Variants in SEMA3A observed in about 807,000 individuals in gnomAD.
SEMA3A encodes semaphorin 3A, also known as semaphorin-3A.
In SEMA3A, 29 loss-of-function variants were observed where a neutral mutation model predicts 97.9. That is an observed-to-expected ratio of 0.30 (90% CI 0.22 to 0.40). SEMA3A has a LOEUF of 0.40. SEMA3A is among the 10% of genes least tolerant of loss of function. The pLI is 1.00. For missense variants in SEMA3A, 763 were observed against 951.3 expected (o/e 0.80, Z 2.60); for synonymous variants, 321 against 323.7 (o/e 0.99, Z 0.09).
At chr7:84,108,587 T>A (rs915614542) in intron 4 of SEMA3A, among the ~76,000 whole-genome samples, 1 of 152,106 alleles carries the variant, frequency 6.6e-6, no homozygotes. Flanking sequence ...CAAAGTCCAG[T>A]CCTTTCTGCT....
chr7:84,377,696 C>A (rs1375383062), intron 1 of SEMA3A, among the ~76,000 whole-genome samples: 2 of 152,122 alleles, frequency 1.3e-5, no homozygotes, highest in African/African-American at 4.8e-5. Flanking sequence ...GAATTTGAAT[C>A]TTTACAGTTT....
intron 14 of SEMA3A, among the ~76,000 whole-genome samples, chr7:83,980,191 A>G (rs950063202): frequency 6.6e-6 from 1 of 152,072 alleles, no homozygotes; most frequent in African/African-American, 2.4e-5. Context: ...GTAGTAAAGG[A>G]TATGTTTTTG....
At chr7:84,119,783 G>C (rs1562794255) in intron 3 of SEMA3A, among the ~76,000 whole-genome samples, 1 of 152,122 alleles carries the variant, frequency 6.6e-6, no homozygotes, top group Non-Finnish European at 1.5e-5. Context: ...GGATCAACTT[G>C]CTAAATATGA....
chr7:84,365,625 C>T (rs1470527689), intron 2 of SEMA3A, among the ~76,000 whole-genome samples: 1 of 151,484 alleles, frequency 6.6e-6, no homozygotes, highest in Non-Finnish European at 1.5e-5. Flanking sequence ...CTGGTAACCA[C>T]ATTTTTAATA....
At chr7:84,008,727 T>C (rs1209746945) in intron 9 of SEMA3A, among the ~76,000 whole-genome samples, 2 of 152,170 alleles carry the variant, frequency 1.3e-5, no homozygotes, top group African/African-American at 4.8e-5. Context: ...CAGCGATTCA[T>C]AGACTGCAAG....
At position 84,194,461 on chromosome 7, in the gene SEMA3A, A is replaced by C; in HGVS notation, c.112+14T>G. The C allele has an allele frequency of 6.4e-7, 1 of 1,556,120 alleles. No homozygotes were observed. ...ATTACAAAGCTAACCAAATAAAAGA[A>C]AAATAAGATTTACCTTTGTAGGATA... On this transcript the variant is annotated intron_variant, in intron 1 of 16. Transcript: ENST00000265362.
intron 10 of SEMA3A, among the ~76,000 whole-genome samples, chr7:84,007,011 A>AATGTATTT (rs1489911934): frequency 6.6e-6 from 1 of 152,130 alleles, no homozygotes; most frequent in Non-Finnish European, 1.5e-5. Context: ...GACACAATAA[A>AATGTATTT]ATGTATTTTC....
intron 3 of SEMA3A, among the ~76,000 whole-genome samples, chr7:84,301,013 G>C (rs1017054751): frequency 3.3e-5 from 5 of 152,070 alleles, no homozygotes; most frequent in Non-Finnish European, 7.4e-5. Context: ...AAGATATCCA[G>C]AGAAACATTA....
intron 4 of SEMA3A, among the ~76,000 whole-genome samples, chr7:84,086,250 A>T (rs964791467): frequency 6.6e-6 from 1 of 151,800 alleles, no homozygotes; most frequent in Non-Finnish European, 1.5e-5. Flanking sequence ...GAACACAAGA[A>T]GATGCTGGGT....
intron 1 of SEMA3A, among the ~76,000 whole-genome samples, chr7:84,484,570 C>CAG (rs1491330401): frequency 2.1e-5 from 3 of 143,188 alleles, no homozygotes; most frequent in Non-Finnish European, 4.6e-5. Context: ...CACACACACA[C>CAG]AGAGAGCAAG....
At chr7:84,169,543 T>G (rs1797319589) in intron 1 of SEMA3A, among the ~76,000 whole-genome samples, 1 of 148,778 alleles carries the variant, frequency 6.7e-6, no homozygotes, top group Admixed American at 6.7e-5. Context: ...TATATAATAC[T>G]ATATATAATA....
intron 1 of SEMA3A, among the ~76,000 whole-genome samples, chr7:84,482,542 A>G (rs1412603042): frequency 1.3e-5 from 2 of 152,196 alleles, no homozygotes; most frequent in Non-Finnish European, 2.9e-5. Context: ...AGTTGGAGTC[A>G]GTCTTTAAAC....
chr7:84,424,558 TATAATATATAAATATTAATATATATTA>T lies in SEMA3A; in HGVS notation c.-245-52685_-245-52659del, dbSNP rs1562942591. Reference sequence around the variant, plus strand: ...TATATAAATATTAATATATATTATATATAATATATAAATATTAATATATATTATATATAATATATAAATATTAATATA... The same window carrying T: ...TATATAAATATTAATATATATTATATTATATAATATATAAATATTAATATA... On this transcript the variant is annotated intron_variant, in intron 1 of 3. Coordinates refer to the SEMA3A transcript ENST00000424555. 2.1e-3 allele frequency among the ~76,000 whole-genome samples: 197 copies of T among 93,038 alleles called. 3 individuals are homozygous for T. Among genetic ancestry groups the T allele is most frequent in the African/African-American group, 9.6e-3 (196 of 20,404 alleles). The allele number at this position is 93,038 out of a possible 152,430, so 61.0% of individuals were successfully genotyped here.
chr7:84,436,297 A>G (rs1805127847), intron 1 of SEMA3A, among the ~76,000 whole-genome samples: 1 of 152,210 alleles, frequency 6.6e-6, no homozygotes, highest in African/African-American at 2.4e-5. Context: ...TAAGTCCTCA[A>G]AAGTAATTCT....
intron 15 of SEMA3A, among the ~76,000 whole-genome samples, chr7:83,965,098 TA>T (rs1247488416): frequency 9.1e-5 from 10 of 109,456 alleles, no homozygotes; most frequent in African/African-American, 5.7e-4. Flanking sequence ...AACTTTTTTG[TA>T]TTTTTTTTTT....
chr7:84,110,345 T>G (rs995834008), intron 4 of SEMA3A, 125 bp downstream of exon 4: 1 of 997,292 alleles, frequency 1.0e-6, no homozygotes. Flanking sequence ...TAACAGCATC[T>G]GAGTTTGAAG....
At chr7:84,226,015 T>C (rs1396534408) in intron 3 of SEMA3A, among the ~76,000 whole-genome samples, 4 of 152,138 alleles carry the variant, frequency 2.6e-5, no homozygotes, top group Non-Finnish European at 5.9e-5. Context: ...TGTATCTTCT[T>C]ATTCAATTTC....
chr7:84,140,847 T>C lies in SEMA3A; in HGVS notation c.113-5896A>G, dbSNP rs145597579. On this transcript the variant is annotated intron_variant, in intron 1 of 16. Coordinates refer to ENST00000265362, the MANE Select transcript of SEMA3A (RefSeq NM_006080.3). Reference sequence around the variant, plus strand: ...CAAAAAAACAAAAGCAAGGACTATTTGCTATCATTGTCATTTCATTAGAAA... The same window carrying C: ...CAAAAAAACAAAAGCAAGGACTATTCGCTATCATTGTCATTTCATTAGAAA... 5.3e-3 allele frequency among the ~76,000 whole-genome samples: 803 copies of C among 152,288 alleles called. 12 individuals carry two copies. Among genetic ancestry groups the C allele is most frequent in the African/African-American group, 0.019 (777 of 41,570 alleles).
At chr7:84,141,346 T>C (rs564399604) in intron 1 of SEMA3A, among the ~76,000 whole-genome samples, 279 of 152,250 alleles carry the variant, frequency 1.8e-3, no homozygotes, top group African/African-American at 6.5e-3. Flanking sequence ...CTACCACCTT[T>C]TCCTAGGACA....
Sources: gnomAD v4.1 joint callset for allele counts (sites outside exome capture counted in the v4.1 genomes callset) on GRCh38, gnomAD v4.1.1 for gene constraint, MANE v1.5 for transcripts, NCBI Gene and HGNC (gene_info 2026-07-23, HGNC 2026-07-21) for gene names.